Variants in KHDRBS2 observed in about 807,000 individuals in gnomAD.
The protein encoded by KHDRBS2 is KH domain-containing, RNA-binding, signal transduction-associated protein 2.
In KHDRBS2, 26 loss-of-function variants were observed where a neutral mutation model predicts 44.3. The observed-to-expected ratio is 0.59, with a 90% confidence interval of 0.43 to 0.81. KHDRBS2 has a LOEUF of 0.81. Ranked by LOEUF, KHDRBS2 falls within the 40% of genes least tolerant of loss-of-function variation. The pLI, the probability that KHDRBS2 is intolerant of heterozygous loss-of-function variation, is 0.00. For synonymous variants in KHDRBS2, 194 were observed against 151.1 expected (o/e 1.28, Z -2.08); for missense variants, 476 against 433.1 (o/e 1.10, Z -0.88).
In KHDRBS2 at chr6:61,784,603, A is replaced by G. The variant is rs370346927; in HGVS notation, c.811-51839T>C. On this transcript the variant is annotated intron_variant, in intron 6 of 8. Transcript: ENST00000281156. ...ATATTTGATACAATTAAATGTATAAATATAAACTGTTTCACCTTAACACTC... is the reference window on the plus strand; with the variant it reads ...ATATTTGATACAATTAAATGTATAAGTATAAACTGTTTCACCTTAACACTC... 3.3e-5 allele frequency among the ~76,000 whole-genome samples: 5 copies of G among 152,284 alleles called. No homozygotes were observed. In the East Asian group the frequency reaches 5.8e-4, roughly 18 times the overall value.
intron 6 of KHDRBS2, among the ~76,000 whole-genome samples, chr6:61,855,340 T>C (rs1042321765): frequency 6.6e-5 from 10 of 152,054 alleles, no homozygotes; most frequent in African/African-American, 2.4e-4. Flanking sequence ...GTATTTTAGT[T>C]CAAATCCCAG....
chr6:61,953,458 T>C (rs1765197703), intron 4 of KHDRBS2, among the ~76,000 whole-genome samples: 1 of 152,074 alleles, frequency 6.6e-6, no homozygotes, highest in East Asian at 1.9e-4. Context: ...CTCAGAACCA[T>C]CTAAACTGAA....
At chr6:61,778,810 T>C (rs1345043425) in intron 6 of KHDRBS2, among the ~76,000 whole-genome samples, 2 of 152,236 alleles carry the variant, frequency 1.3e-5, no homozygotes. Flanking sequence ...CCAGAAAGAA[T>C]GGACTAGCTA....
chr6:61,642,275 A>T, the KHDRBS2 span, among the ~76,000 whole-genome samples: 1 of 152,054 alleles, frequency 6.6e-6, no homozygotes, highest in African/African-American at 2.4e-5. Context: ...ATCACCTATT[A>T]CCTTTGTCTT....
chr6:62,200,626 C>T (rs1010476770), intron 1 of KHDRBS2, among the ~76,000 whole-genome samples: 1 of 152,214 alleles, frequency 6.6e-6, no homozygotes, highest in Non-Finnish European at 1.5e-5. Context: ...AACATTTTTA[C>T]ACTGTTGGTG....
At chr6:61,887,926 C>T (rs1291128610) in intron 6 of KHDRBS2, among the ~76,000 whole-genome samples, 2 of 152,062 alleles carry the variant, frequency 1.3e-5, no homozygotes, top group African/African-American at 2.4e-5. Context: ...AGCCAGCAGC[C>T]TATCAGTCAC....
intron 2 of KHDRBS2, among the ~76,000 whole-genome samples, chr6:62,073,588 C>G (rs1179843737): frequency 1.0e-5 from 1 of 96,678 alleles, no homozygotes; most frequent in Admixed American, 1.1e-4. Flanking sequence ...TTATTTCCTT[C>G]TGTTTGCTTG....
rs543147841 is a variant in KHDRBS2, at chr6:61,890,800, G to T, written c.810+3835C>A. Among the ~76,000 whole-genome samples, 15 of 152,200 alleles carry T rather than the reference G, an allele frequency of 9.9e-5. No homozygotes were observed. The South Asian group carries it at 3.1e-3, about 32-fold the overall frequency. On this transcript the variant is annotated intron_variant, in intron 6 of 8. Transcript: ENST00000281156. ...AGTCCCTGAGTTTTTTTTGAACCTTGTGGGTTTGTTTGCAGAGTAGAATAT... is the reference window on the plus strand; with the variant it reads ...AGTCCCTGAGTTTTTTTTGAACCTTTTGGGTTTGTTTGCAGAGTAGAATAT...
At chr6:61,616,552 G>A in the KHDRBS2 span, among the ~76,000 whole-genome samples, 1 of 148,664 alleles carries the variant, frequency 6.7e-6, no homozygotes, top group African/African-American at 2.5e-5. Flanking sequence ...AATAATATTT[G>A]TAGATGATCA....
chr6:61,577,666 T>TAA, the KHDRBS2 span, among the ~76,000 whole-genome samples: 1 of 152,126 alleles, frequency 6.6e-6, no homozygotes, highest in Non-Finnish European at 1.5e-5. Flanking sequence ...AAATAAGAAA[T>TAA]ATACTAATAA....
chr6:61,556,627 C>A, the KHDRBS2 span, among the ~76,000 whole-genome samples: 1 of 151,976 alleles, frequency 6.6e-6, no homozygotes, highest in African/African-American at 2.4e-5. Context: ...ATTCAGCTTA[C>A]AGCATGGTGT....
At chr6:62,224,338 C>T (rs534835002) in intron 1 of KHDRBS2, among the ~76,000 whole-genome samples, 1 of 152,264 alleles carries the variant, frequency 6.6e-6, no homozygotes, top group Admixed American at 6.5e-5. Context: ...CCCACCAGAT[C>T]CCTCCCAAAA....
intron 2 of KHDRBS2, among the ~76,000 whole-genome samples, chr6:62,152,060 C>T (rs1160603408): frequency 6.6e-6 from 1 of 152,182 alleles, no homozygotes; most frequent in Non-Finnish European, 1.5e-5. Context: ...TGGCTCACAC[C>T]TGTAACCCCA....
At chr6:61,855,375 C>T (rs188584174) in intron 6 of KHDRBS2, among the ~76,000 whole-genome samples, 106 of 151,876 alleles carry the variant, frequency 7.0e-4, no homozygotes, top group African/African-American at 2.5e-3. Flanking sequence ...AGTTGTTTTA[C>T]TTCTGGTAAT....
intron 2 of KHDRBS2, among the ~76,000 whole-genome samples, chr6:62,056,688 G>A (rs552931859): frequency 6.6e-6 from 1 of 151,960 alleles, no homozygotes; most frequent in South Asian, 2.1e-4. Flanking sequence ...TTCATATTAT[G>A]TTACAAAACC....
At chr6:61,781,784 C>T (rs1242751102) in intron 6 of KHDRBS2, among the ~76,000 whole-genome samples, 10 of 152,196 alleles carry the variant, frequency 6.6e-5, no homozygotes, top group South Asian at 2.1e-4. Context: ...GGAGGGTAGA[C>T]GTTATCAATA....
At chr6:61,994,734 G>A (rs899464018) in intron 3 of KHDRBS2, among the ~76,000 whole-genome samples, 1 of 152,124 alleles carries the variant, frequency 6.6e-6, no homozygotes, top group Non-Finnish European at 1.5e-5. Context: ...ACTGAGTAAG[G>A]ATGCAAAATA....
intron 2 of KHDRBS2, among the ~76,000 whole-genome samples, chr6:62,157,056 TAAAAGAA>T (rs894285503): frequency 3.8e-4 from 57 of 151,278 alleles, no homozygotes; most frequent in African/African-American, 1.3e-3. Context: ...AACTTACTCT[TAAAAGAA>T]TAAGAATGAG....
At chr6:62,171,217 C>G (rs1044124255) in intron 2 of KHDRBS2, among the ~76,000 whole-genome samples, 6 of 151,768 alleles carry the variant, frequency 4.0e-5, no homozygotes, top group African/African-American at 1.5e-4. Flanking sequence ...TCCAAGGAAT[C>G]TAAGGAATAC....
Sources: gnomAD v4.1 joint callset for allele counts (sites outside exome capture counted in the v4.1 genomes callset) on GRCh38, gnomAD v4.1.1 for gene constraint, MANE v1.5 for transcripts, NCBI Gene and HGNC (gene_info 2026-07-23, HGNC 2026-07-21) for gene names.